OSBPL10: variants seen among roughly 807,000 people sequenced by gnomAD.
OSBPL10 encodes oxysterol-binding protein-related protein 10.
OSBPL10 carries 49 observed loss-of-function variants against 81.7 expected under a neutral mutation model. The observed-to-expected ratio is 0.60, with a 90% CI of 0.48 to 0.76. OSBPL10 has a LOEUF of 0.76. OSBPL10 is among the 30% of genes least tolerant of loss of function. The probability of loss-of-function intolerance (pLI) is 0.00; values close to 1 mark genes in which losing one functional copy is unlikely to be tolerated. For synonymous variants in OSBPL10, 419 were observed against 383.6 expected (o/e 1.09, Z -1.08); for missense variants, 923 against 987.8 (o/e 0.93, Z 0.88).
At chr3:31,705,433 A>G (rs983299832) in intron 6 of OSBPL10, among the ~76,000 whole-genome samples, 1 of 143,382 alleles carries the variant, frequency 7.0e-6, no homozygotes, top group Non-Finnish European at 1.5e-5. Flanking sequence ...AGGCAGCAGT[A>G]GTCAGCAGGT....
At chr3:31,745,891 G>A (rs986216692) in intron 5 of OSBPL10, among the ~76,000 whole-genome samples, 1 of 152,238 alleles carries the variant, frequency 6.6e-6, no homozygotes, top group African/African-American at 2.4e-5. Flanking sequence ...TGAAACAAAG[G>A]GCAAAGGGCA....
At chr3:31,859,197 CTACAT>C (rs1333655528) in intron 3 of OSBPL10, among the ~76,000 whole-genome samples, 2 of 152,014 alleles carry the variant, frequency 1.3e-5, no homozygotes, top group African/African-American at 4.8e-5. Flanking sequence ...ACCTAATTCC[CTACAT>C]TGTCTATCAC....
intron 1 of OSBPL10, among the ~76,000 whole-genome samples, chr3:31,959,331 A>G (rs1161091311): frequency 6.6e-6 from 1 of 152,132 alleles, no homozygotes; most frequent in African/African-American, 2.4e-5. Context: ...CCTAAAGGCC[A>G]GTTCTGTATT....
intron 1 of OSBPL10, among the ~76,000 whole-genome samples, chr3:31,940,097 A>G (rs1316560541): frequency 1.3e-5 from 2 of 152,236 alleles, no homozygotes; most frequent in Non-Finnish European, 2.9e-5. Context: ...AAATAGAAAT[A>G]TATGTCCACA....
intron 7 of OSBPL10, among the ~76,000 whole-genome samples, chr3:31,688,283 TCACACACACACACACACACACA>T (rs55643097): frequency 8.7e-6 from 1 of 115,408 alleles, no homozygotes; most frequent in Admixed American, 9.3e-5. Context: ...TCTCTCTCTC[TCACACACACACACACACACACA>T]CACACACACA....
At chr3:31,885,301 TCA>T (rs1235614956) in intron 1 of OSBPL10, among the ~76,000 whole-genome samples, 2 of 151,996 alleles carry the variant, frequency 1.3e-5, no homozygotes, top group East Asian at 1.9e-4. Context: ...ACTCACATAC[TCA>T]CAAACTCATG....
intron 4 of OSBPL10, among the ~76,000 whole-genome samples, chr3:31,805,884 T>C (rs966533480): frequency 4.6e-5 from 7 of 152,234 alleles, no homozygotes; most frequent in African/African-American, 1.7e-4. Flanking sequence ...CAGGGTTTAA[T>C]AGTTGCTGAC....
chr3:31,896,288 T>G (rs1490855381), intron 1 of OSBPL10, among the ~76,000 whole-genome samples: 1 of 152,206 alleles, frequency 6.6e-6, no homozygotes, highest in Non-Finnish European at 1.5e-5. Flanking sequence ...CAAAAGACTG[T>G]GTAAGATTAT....
intron 6 of OSBPL10, among the ~76,000 whole-genome samples, chr3:31,720,554 A>G (rs951546709): frequency 1.2e-4 from 19 of 152,132 alleles, no homozygotes; most frequent in South Asian, 4.2e-4. Context: ...TGCTCTATGT[A>G]ATGTATTCTG....
intron 1 of OSBPL10, among the ~76,000 whole-genome samples, chr3:31,971,525 G>A (rs1698568350): frequency 6.6e-6 from 1 of 152,118 alleles, no homozygotes; most frequent in South Asian, 2.1e-4. Flanking sequence ...CTATGACACA[G>A]ACACCATATT....
chr3:31,789,706 C>T (rs573279561), intron 4 of OSBPL10, among the ~76,000 whole-genome samples: 10 of 152,292 alleles, frequency 6.6e-5, no homozygotes, highest in East Asian at 1.9e-4. Flanking sequence ...CCATAGGCAA[C>T]GGAGGCCAGG....
At chr3:31,818,239 A>C (rs776879442) in intron 4 of OSBPL10, among the ~76,000 whole-genome samples, 2 of 152,148 alleles carry the variant, frequency 1.3e-5, no homozygotes, top group Non-Finnish European at 2.9e-5. Context: ...GCTCCAGTCC[A>C]TTGAAGGCCT....
At chr3:31,929,609 G>A (rs757196407) in intron 1 of OSBPL10, among the ~76,000 whole-genome samples, 11 of 151,980 alleles carry the variant, frequency 7.2e-5, no homozygotes, top group East Asian at 3.9e-4. Flanking sequence ...TTAGCTGGGC[G>A]TGGTGGCAGC....
At chr3:32,010,764 G>T (rs1194971498) in intron 2 of OSBPL10, among the ~76,000 whole-genome samples, 1 of 152,230 alleles carries the variant, frequency 6.6e-6, no homozygotes, top group Non-Finnish European at 1.5e-5. Flanking sequence ...TTTTCCGACA[G>T]TCTTAGCAAA....
intron 2 of OSBPL10, among the ~76,000 whole-genome samples, chr3:32,009,346 G>A (rs2125538193): frequency 6.6e-6 from 1 of 152,308 alleles, no homozygotes. Context: ...AAACACATGA[G>A]CCATTCAATT....
chr3:31,736,325 C>CA (rs150569163), intron 5 of OSBPL10, among the ~76,000 whole-genome samples: 8,090 of 151,712 alleles, frequency 0.053, 719 homozygotes, highest in African/African-American at 0.18. Flanking sequence ...TTCTTAATGG[C>CA]AAAAAAAGCA....
intron 1 of OSBPL10, among the ~76,000 whole-genome samples, chr3:31,931,149 A>T (rs923841055): frequency 3.9e-5 from 6 of 151,986 alleles, no homozygotes; most frequent in African/African-American, 1.5e-4. Flanking sequence ...GGAGAGGGAG[A>T]CCGAGAGACA....
chr3:31,719,980 A>T (rs1696582021), intron 6 of OSBPL10, among the ~76,000 whole-genome samples: 1 of 150,984 alleles, frequency 6.6e-6, no homozygotes, highest in South Asian at 2.1e-4. Flanking sequence ...TGTCTAATTG[A>T]CAATTGAAAA....
At chr3:31,857,657 T>C (rs1167153618) in intron 3 of OSBPL10, among the ~76,000 whole-genome samples, 1 of 149,810 alleles carries the variant, frequency 6.7e-6, no homozygotes, top group Non-Finnish European at 1.5e-5. Context: ...AAATTTTGAA[T>C]AATATCAAAA....
Sources: allele counts gnomAD v4.1 joint callset (sites outside exome capture counted in the v4.1 genomes callset), GRCh38; gene constraint gnomAD v4.1.1; transcripts MANE v1.5; gene names NCBI Gene and HGNC (gene_info 2026-07-23, HGNC 2026-07-21).